SNX7: variants seen among roughly 807,000 people sequenced by gnomAD.
The protein encoded by SNX7 is sorting nexin-7.
Under a neutral mutation model 48.4 loss-of-function variants are expected in SNX7, and 35 were observed. That is an observed-to-expected ratio of 0.72 (90% CI 0.55 to 0.96). SNX7 has a LOEUF of 0.96. SNX7 is among the 40% of genes least tolerant of loss of function. The pLI is 0.00. For missense variants in SNX7, 553 were observed against 548.9 expected (o/e 1.01, Z -0.07); for synonymous variants, 190 against 190.2 (o/e 1.00, Z 0.01).
intron 6 of SNX7, among the ~76,000 whole-genome samples, chr1:98,699,371 G>A (rs1170586284): frequency 6.6e-6 from 1 of 152,072 alleles, no homozygotes; most frequent in Admixed American, 6.6e-5. Context: ...AATCTTTCAA[G>A]TTAAAATGTT....
At chr1:98,687,892 C>T (rs1650892508) in intron 2 of SNX7, among the ~76,000 whole-genome samples, 1 of 152,116 alleles carries the variant, frequency 6.6e-6, no homozygotes, top group African/African-American at 2.4e-5. Flanking sequence ...ATAAAACCAT[C>T]AGATATCATG....
intron 1 of SNX7, among the ~76,000 whole-genome samples, chr1:98,663,451 A>G (rs1649377540): frequency 6.6e-6 from 1 of 151,824 alleles, no homozygotes; most frequent in African/African-American, 2.4e-5. Context: ...ACTCTTAAGA[A>G]TCAATGTTTA....
chr1:98,698,136 T>C (rs1193088784), intron 5 of SNX7, among the ~76,000 whole-genome samples: 3 of 152,152 alleles, frequency 2.0e-5, no homozygotes, highest in Non-Finnish European at 1.5e-5. Flanking sequence ...AGGAGACCCT[T>C]GAAGCAGTAC....
chr1:98,670,354 C>G (rs1030874331), intron 1 of SNX7, among the ~76,000 whole-genome samples: 8 of 152,008 alleles, frequency 5.3e-5, no homozygotes, highest in Admixed American at 1.3e-4. Flanking sequence ...GTAGTGGAAG[C>G]CAACTCTGGC....
chr1:98,728,712 T>A, intron 7 of SNX7, among the ~76,000 whole-genome samples: 1 of 152,234 alleles, frequency 6.6e-6, no homozygotes, highest in African/African-American at 2.4e-5. Flanking sequence ...TATTACATAA[T>A]GGTAAAGGGT....
chr1:98,692,700 G>T (rs1651211812), intron 4 of SNX7, among the ~76,000 whole-genome samples: 1 of 152,130 alleles, frequency 6.6e-6, no homozygotes, highest in Non-Finnish European at 1.5e-5. Flanking sequence ...ATAGCAACAG[G>T]AGGGCTACAA....
At chr1:98,702,888 A>T (rs1651823045) in intron 7 of SNX7, among the ~76,000 whole-genome samples, 1 of 152,118 alleles carries the variant, frequency 6.6e-6, no homozygotes, top group South Asian at 2.1e-4. Flanking sequence ...GTGCACTTAC[A>T]TCAGGTGAGC....
chr1:98,691,348 T>TA (rs1184144990), intron 3 of SNX7, among the ~76,000 whole-genome samples, 163 bp downstream of exon 3: 354 of 147,930 alleles, frequency 2.4e-3, no homozygotes, highest in African/African-American at 3.5e-3. Flanking sequence ...ATTTTTTTTT[T>TA]AAAAAAAACT....
At chr1:98,724,279 A>T (rs975300231) in intron 7 of SNX7, among the ~76,000 whole-genome samples, 1 of 152,034 alleles carries the variant, frequency 6.6e-6, no homozygotes, top group African/African-American at 2.4e-5. Context: ...CACTCTGGCC[A>T]TTGCTGGGTT....
chr1:98,665,883 C>T (rs2100900600), intron 1 of SNX7, among the ~76,000 whole-genome samples: 1 of 152,266 alleles, frequency 6.6e-6, no homozygotes, highest in South Asian at 2.1e-4. Flanking sequence ...AGCCACCGTG[C>T]CCAGCTGAAA....
chr1:98,663,170 G>C (rs1336554918), intron 1 of SNX7, among the ~76,000 whole-genome samples: 1 of 148,456 alleles, frequency 6.7e-6, no homozygotes, highest in Non-Finnish European at 1.5e-5. Flanking sequence ...AGGAATATTA[G>C]TCTATGGTTA....
At chr1:98,740,362 CAT>C (rs1654010582) in intron 8 of SNX7, among the ~76,000 whole-genome samples, 1 of 152,044 alleles carries the variant, frequency 6.6e-6, no homozygotes, top group African/African-American at 2.4e-5. Context: ...AGAAAGTCAA[CAT>C]GTGATGAATA....
intron 8 of SNX7, among the ~76,000 whole-genome samples, chr1:98,748,055 C>A (rs1654392724): frequency 6.7e-6 from 1 of 150,128 alleles, no homozygotes; most frequent in Admixed American, 6.7e-5. Flanking sequence ...CAGCTCACTG[C>A]AACCTCTGCC....
At chr1:98,730,624 G>A (rs1390174114) in intron 7 of SNX7, among the ~76,000 whole-genome samples, 2 of 151,902 alleles carry the variant, frequency 1.3e-5, no homozygotes, top group Non-Finnish European at 2.9e-5. Context: ...CAAGCAGAGA[G>A]ACAAATCATG....
intron 7 of SNX7, among the ~76,000 whole-genome samples, chr1:98,707,460 A>G (rs1314784041): frequency 2.0e-5 from 3 of 152,190 alleles, no homozygotes; most frequent in African/African-American, 4.8e-5. Context: ...GGAAACTCAG[A>G]TATTTGGAGA....
chr1:98,684,094 A>C (rs372496247), intron 1 of SNX7, among the ~76,000 whole-genome samples: 1 of 152,116 alleles, frequency 6.6e-6, no homozygotes, highest in Non-Finnish European at 1.5e-5. Flanking sequence ...CCAATTCTTG[A>C]ACCTTTCTGG....
intron 7 of SNX7, among the ~76,000 whole-genome samples, chr1:98,726,987 G>C (rs1054273399): frequency 6.6e-6 from 1 of 152,124 alleles, no homozygotes; most frequent in Non-Finnish European, 1.5e-5. Flanking sequence ...GAGGCGGGTG[G>C]ATCATGAGAT....
At chr1:98,736,223 C>T (rs1653774965) in intron 7 of SNX7, among the ~76,000 whole-genome samples, 1 of 152,156 alleles carries the variant, frequency 6.6e-6, no homozygotes, top group African/African-American at 2.4e-5. Flanking sequence ...CATTGCATGG[C>T]AATTTAAACT....
At chr1:98,735,332 T>C (rs895167304) in intron 7 of SNX7, among the ~76,000 whole-genome samples, 4 of 152,172 alleles carry the variant, frequency 2.6e-5, no homozygotes, top group African/African-American at 9.7e-5. Context: ...ATTGAAATTA[T>C]GGAAAGATGA....
Sources: allele counts gnomAD v4.1 joint callset (sites outside exome capture counted in the v4.1 genomes callset), GRCh38; gene constraint gnomAD v4.1.1; transcripts MANE v1.5; gene names NCBI Gene and HGNC (gene_info 2026-07-23, HGNC 2026-07-21).